Variants in TRAPPC9 observed in about 807,000 individuals in gnomAD.
The protein encoded by TRAPPC9 is trafficking protein particle complex subunit 9.
In TRAPPC9, 83 loss-of-function variants were observed where a neutral mutation model predicts 124.0. The observed-to-expected ratio is 0.67, with a 90% CI of 0.56 to 0.80. TRAPPC9 has a LOEUF of 0.80. Ranked by LOEUF, TRAPPC9 falls within the 30% of genes least tolerant of loss-of-function variation. The probability of loss-of-function intolerance (pLI) is 0.00; values close to 1 mark genes in which losing one functional copy is unlikely to be tolerated. For missense variants in TRAPPC9, 1,302 were observed against 1,508.3 expected (o/e 0.86, Z 2.27); for synonymous variants, 638 against 617.5 (o/e 1.03, Z -0.49).
intron 19 of TRAPPC9, among the ~76,000 whole-genome samples, chr8:139,963,762 AAAAAAAAAAAAAAAAC>A (rs1835505275): frequency 1.6e-5 from 1 of 62,442 alleles, no homozygotes; most frequent in Non-Finnish European, 5.3e-5. Context: ...AAAAAAAAAA[AAAAAAAAAAAAAAAAC>A]AACTACAGAC....
At chr8:139,780,793 A>C (rs939546545) in intron 21 of TRAPPC9, among the ~76,000 whole-genome samples, 5 of 152,192 alleles carry the variant, frequency 3.3e-5, no homozygotes, top group African/African-American at 1.2e-4. Context: ...TGTTATCCAA[A>C]ATATACGAAG....
chr8:139,913,398 C>T (rs1831882257), intron 19 of TRAPPC9, among the ~76,000 whole-genome samples: 1 of 152,246 alleles, frequency 6.6e-6, no homozygotes, highest in East Asian at 1.9e-4. Flanking sequence ...CCCAAGCCAT[C>T]TGGCCCAACA....
chr8:139,822,786 C>A (rs1825342672), intron 21 of TRAPPC9, among the ~76,000 whole-genome samples: 1 of 152,232 alleles, frequency 6.6e-6, no homozygotes, highest in South Asian at 2.1e-4. Context: ...GTAGTGTAAA[C>A]ATGAGCAAAG....
At chr8:140,316,109 T>C (rs993739053) in intron 9 of TRAPPC9, among the ~76,000 whole-genome samples, 4 of 152,114 alleles carry the variant, frequency 2.6e-5, no homozygotes, top group Non-Finnish European at 5.9e-5. Context: ...TGCTGTTGAA[T>C]ACAAGTTTCT....
intron 5 of TRAPPC9, among the ~76,000 whole-genome samples, chr8:140,423,449 A>C (rs751929869): frequency 1.2e-4 from 19 of 152,066 alleles, no homozygotes; most frequent in Non-Finnish European, 2.2e-4. Context: ...TCAAAAAACA[A>C]ATAAATAAAT....
At chr8:140,172,400 G>C (rs907582519) in intron 17 of TRAPPC9, among the ~76,000 whole-genome samples, 2 of 144,824 alleles carry the variant, frequency 1.4e-5, no homozygotes, top group African/African-American at 5.2e-5. Flanking sequence ...CAATGGAGGG[G>C]GGTTAAACTA....
chr8:140,186,646 CT>C (rs1330046001), intron 17 of TRAPPC9, among the ~76,000 whole-genome samples: 6 of 152,186 alleles, frequency 3.9e-5, no homozygotes, highest in African/African-American at 7.2e-5. Context: ...TATAAGTATC[CT>C]TTTCTTCTTC....
intron 17 of TRAPPC9, among the ~76,000 whole-genome samples, chr8:140,163,567 C>T (rs149251859): frequency 2.4e-3 from 369 of 152,268 alleles, no homozygotes; most frequent in African/African-American, 8.6e-3. Context: ...GAGAGGGTGG[C>T]GGGCAGATGG....
intron 15 of TRAPPC9, among the ~76,000 whole-genome samples, chr8:140,265,381 C>T (rs1461106777): frequency 1.3e-5 from 2 of 152,180 alleles, no homozygotes; most frequent in African/African-American, 2.4e-5. Flanking sequence ...CAGCTTATTC[C>T]CCTCTGATGC....
At position 140,229,265 on chromosome 8, in the gene TRAPPC9, T is replaced by C. The variant is rs1043716112; in HGVS notation, c.2432-7682A>G. On this transcript the variant is annotated intron_variant, in intron 16 of 22. Coordinates refer to ENST00000438773, the MANE Select transcript of TRAPPC9 (RefSeq NM_001160372.4). ...GTTTTCTTTTTCTTTTTTTTTTTTT[T>C]TTTTTTTTTTTTTTTTTGAGACACA... Among the ~76,000 whole-genome samples the C allele has an allele frequency of 7.4e-4, 100 of 135,564 alleles. 6 individuals carry two copies. The highest frequency in any genetic ancestry group is 7.4e-3 in the Middle Eastern group (2 of 270). 88.9% of individuals were successfully genotyped at this position (135,564 alleles called of 152,430 possible).
At chr8:139,953,193 T>C (rs1834755943) in intron 19 of TRAPPC9, among the ~76,000 whole-genome samples, 1 of 152,194 alleles carries the variant, frequency 6.6e-6, no homozygotes, top group Non-Finnish European at 1.5e-5. Flanking sequence ...CCTACAACTA[T>C]AAAACTTGTA....
At chr8:140,312,903 G>C (rs1259349336) in intron 9 of TRAPPC9, among the ~76,000 whole-genome samples, 2 of 152,004 alleles carry the variant, frequency 1.3e-5, no homozygotes, top group South Asian at 2.1e-4. Flanking sequence ...GAGACTACAG[G>C]CATGTGTCAC....
At chr8:140,105,564 G>A (rs767417330) in intron 17 of TRAPPC9, among the ~76,000 whole-genome samples, 6 of 152,016 alleles carry the variant, frequency 3.9e-5, no homozygotes, top group Non-Finnish European at 8.8e-5. Context: ...ATCTTTTCAC[G>A]CTTCCCTCCC....
chr8:140,051,208 T>G (rs1421688947), intron 17 of TRAPPC9, among the ~76,000 whole-genome samples: 1 of 152,174 alleles, frequency 6.6e-6, no homozygotes, highest in African/African-American at 2.4e-5. Flanking sequence ...GAAGGGGCGG[T>G]GGAGCCTTTA....
At chr8:140,047,585 C>A (rs1563720419) in intron 17 of TRAPPC9, among the ~76,000 whole-genome samples, 1 of 152,106 alleles carries the variant, frequency 6.6e-6, no homozygotes. Context: ...CTGGGCCCAG[C>A]GGCCGCTGCT....
intron 17 of TRAPPC9, among the ~76,000 whole-genome samples, chr8:140,218,990 T>C (rs1053315724): frequency 1.7e-4 from 25 of 151,106 alleles, no homozygotes; most frequent in African/African-American, 6.1e-4. Context: ...AACTGGATTT[T>C]AGGAGGAAAC....
At chr8:140,218,502 G>A (rs966479112) in intron 17 of TRAPPC9, among the ~76,000 whole-genome samples, 1 of 151,792 alleles carries the variant, frequency 6.6e-6, no homozygotes, top group African/African-American at 2.4e-5. Flanking sequence ...TTTAGACAGG[G>A]GCTGGTTCCA....
chr8:140,418,104 T>TA (rs1427977278), intron 5 of TRAPPC9, among the ~76,000 whole-genome samples: 14 of 152,134 alleles, frequency 9.2e-5, no homozygotes, highest in Non-Finnish European at 4.4e-5. Context: ...GAGAAATACT[T>TA]AATGTAGATG....
chr8:140,111,104 G>A (rs2060767322), intron 17 of TRAPPC9, among the ~76,000 whole-genome samples: 1 of 149,784 alleles, frequency 6.7e-6, no homozygotes, highest in South Asian at 2.1e-4. Flanking sequence ...CCAGGTCCTT[G>A]GAAAGTCCCC....
Sources: allele counts gnomAD v4.1 joint callset (sites outside exome capture counted in the v4.1 genomes callset), GRCh38; gene constraint gnomAD v4.1.1; transcripts MANE v1.5; gene names NCBI Gene and HGNC (gene_info 2026-07-23, HGNC 2026-07-21).